Variants in ZNF365 observed in about 807,000 individuals in gnomAD.
ZNF365 encodes zinc finger protein 365, also known as protein ZNF365.
Under a neutral mutation model 35.0 loss-of-function variants are expected in ZNF365, and 22 were observed. The ratio of observed to expected loss-of-function variants is 0.63; its 90% confidence interval spans 0.45 to 0.90. The LOEUF is 0.90. Among genes scored for constraint, ZNF365 ranks in the 40% least tolerant of loss-of-function variants. The pLI, the probability that ZNF365 is intolerant of heterozygous loss-of-function variation, is 0.00. For synonymous variants in ZNF365, 188 were observed against 196.2 expected (o/e 0.96, Z 0.35); for missense variants, 448 against 500.3 (o/e 0.90, Z 1.00).
intron 3 of ZNF365, among the ~76,000 whole-genome samples, chr10:62,447,712 C>T (rs545223640): frequency 6.6e-5 from 10 of 152,262 alleles, no homozygotes; most frequent in South Asian, 4.2e-4. Context: ...CCTTTCTTTG[C>T]GGGGAATCAC....
intron 3 of ZNF365, among the ~76,000 whole-genome samples, chr10:62,431,883 A>G (rs912683560): frequency 1.3e-5 from 2 of 151,762 alleles, no homozygotes; most frequent in Non-Finnish European, 1.5e-5. Flanking sequence ...AAAGTACCCA[A>G]TGCAAATAGA....
At chr10:62,383,296 A>C (rs1027063845) in intron 2 of ZNF365, among the ~76,000 whole-genome samples, 4 of 152,202 alleles carry the variant, frequency 2.6e-5, no homozygotes, top group Admixed American at 2.0e-4. Context: ...ACACTGGTTC[A>C]TTGTGATGTG....
At chr10:62,419,953 G>T (rs1282529204) in intron 3 of ZNF365, among the ~76,000 whole-genome samples, 1 of 151,796 alleles carries the variant, frequency 6.6e-6, no homozygotes, top group Non-Finnish European at 1.5e-5. Context: ...TCAATTCCTG[G>T]TTTGCTAAGA....
At chr10:62,472,929 G>A (rs1841066856) in intron 4 of ZNF365, among the ~76,000 whole-genome samples, 1 of 152,182 alleles carries the variant, frequency 6.6e-6, no homozygotes, top group Admixed American at 6.5e-5. Context: ...CTCCTCAGCT[G>A]GTTGCCTAGT....
rs558351476 is a variant in ZNF365, at chr10:62,443,655, A to C, written c.925-16086A>C. ...AATGTGATTGTAGCTTTGAAAACTG[A>C]AATGCTAGCTTTTAAACAACTGGCA... On this transcript the variant is annotated intron_variant, in intron 3 of 4. Coordinates refer to the ZNF365 transcript ENST00000395255. 2.6e-5 allele frequency among the ~76,000 whole-genome samples: 4 copies of C among 152,306 alleles called. No individual in the cohort carries two copies. In the South Asian group the frequency reaches 8.3e-4, roughly 32 times the overall value.
chr10:62,439,148 T>C (rs893263919), intron 3 of ZNF365, among the ~76,000 whole-genome samples: 1 of 152,176 alleles, frequency 6.6e-6, no homozygotes, highest in African/African-American at 2.4e-5. Flanking sequence ...TTTCCCACTT[T>C]CTTAGTTTTT....
chr10:62,425,802 T>C (rs996342350), intron 3 of ZNF365, among the ~76,000 whole-genome samples: 2 of 152,164 alleles, frequency 1.3e-5, no homozygotes, highest in Non-Finnish European at 2.9e-5. Context: ...TATTGTTCAT[T>C]TATCACCATT....
intron 1 of ZNF365, chr10:62,375,926 C>G: frequency 2.3e-6 from 1 of 430,634 alleles, no homozygotes; most frequent in Non-Finnish European, 4.1e-6. Context: ...CATAGAGTCT[C>G]TGTCTCAGTT....
At chr10:62,417,557 C>G (rs535011646) in intron 3 of ZNF365, among the ~76,000 whole-genome samples, 63 of 152,178 alleles carry the variant, frequency 4.1e-4, no homozygotes, top group African/African-American at 1.4e-3. Context: ...TTCCTCAGAT[C>G]TCTTTCTCCA....
intron 3 of ZNF365, among the ~76,000 whole-genome samples, chr10:62,422,905 T>C (rs536847759): frequency 6.6e-6 from 1 of 152,292 alleles, no homozygotes; most frequent in South Asian, 2.1e-4. Context: ...CCTTGGCACC[T>C]ACTTTTGCTG....
At chr10:62,438,724 G>T (rs1342888874) in intron 3 of ZNF365, among the ~76,000 whole-genome samples, 1 of 152,138 alleles carries the variant, frequency 6.6e-6, no homozygotes, top group African/African-American at 2.4e-5. Flanking sequence ...CTTACTCCGG[G>T]TGCTTTCCAC....
chr10:62,418,670 A>G lies in ZNF365; in HGVS notation c.924+30094A>G, dbSNP rs544274117. 2.0e-5 allele frequency among the ~76,000 whole-genome samples: 3 copies of G among 152,244 alleles called. No individual in the cohort carries two copies. In the East Asian group the frequency reaches 5.8e-4, roughly 29 times the overall value. ...AAATACGTGGGCGAAGTAATGGAAG[A>G]TGAGGGCTATTTTTATTAAAGTCTG... On this transcript the variant is annotated intron_variant, in intron 3 of 4. Transcript: ENST00000395255.
At chr10:62,385,864 T>C (rs1489793270) in intron 2 of ZNF365, among the ~76,000 whole-genome samples, 1 of 152,188 alleles carries the variant, frequency 6.6e-6, no homozygotes, top group African/African-American at 2.4e-5. Context: ...TAATAAGATG[T>C]AGGAAATATT....
At chr10:62,473,497 G>T (rs1193897106) in intron 4 of ZNF365, among the ~76,000 whole-genome samples, 1 of 152,150 alleles carries the variant, frequency 6.6e-6, no homozygotes. Flanking sequence ...TTGGGGGCCA[G>T]ACTTCCTGTG....
intron 3 of ZNF365, among the ~76,000 whole-genome samples, chr10:62,397,260 T>A (rs1482869146): frequency 1.5e-5 from 2 of 135,108 alleles, no homozygotes; most frequent in Non-Finnish European, 3.1e-5. Flanking sequence ...TGTCTCCTCA[T>A]GACCTGAGCC....
chr10:62,475,470 A>G (rs1383974672), intron 4 of ZNF365, among the ~76,000 whole-genome samples: 1 of 152,230 alleles, frequency 6.6e-6, no homozygotes, highest in Non-Finnish European at 1.5e-5. Context: ...ATTTAAAGAT[A>G]CTGTATAATT....
At chr10:62,464,037 A>G (rs936567822) in intron 4 of ZNF365, among the ~76,000 whole-genome samples, 3 of 152,182 alleles carry the variant, frequency 2.0e-5, no homozygotes, top group African/African-American at 4.8e-5. Flanking sequence ...TTCAACTCCA[A>G]TAGGCCTAAT....
In ZNF365 at chr10:62,399,582, C is replaced by T. The variant is rs1435991225; in HGVS notation, c.1017C>T (p.Phe339=). Residue 339 remains phenylalanine (F), a synonymous_variant, in exon 5 of 5, where the codon TTC becomes TTT. Coordinates refer to ENST00000395254, the MANE Select transcript of ZNF365 (RefSeq NM_014951.3). ...ACCACCCTGATCTCAAGGCCCATTT[C>T]CACCCAAAGGGAAGGAACCACCTGA... is the stretch of plus-strand genomic sequence containing the variant. ...VCNHPDLKAH[F]HPKGRNHLKK... 7 of 1,614,136 alleles carry T rather than the reference C, an allele frequency of 4.3e-6. No homozygotes were observed. The highest frequency in any genetic ancestry group is 1.3e-5 in the African/African-American group (1 of 75,028).
intron 3 of ZNF365, among the ~76,000 whole-genome samples, chr10:62,452,544 G>A (rs1170045845): frequency 6.6e-6 from 1 of 152,164 alleles, no homozygotes; most frequent in African/African-American, 2.4e-5. Context: ...TACATATTAA[G>A]TTATTGCACA....
Sources: allele counts gnomAD v4.1 joint callset (sites outside exome capture counted in the v4.1 genomes callset), GRCh38; gene constraint gnomAD v4.1.1; transcripts MANE v1.5; gene names NCBI Gene and HGNC (gene_info 2026-07-23, HGNC 2026-07-21).